LRRIQ1: variants seen among roughly 807,000 people sequenced by gnomAD.
LRRIQ1 encodes the protein leucine-rich repeat- and IQ domain-containing protein 1.
LRRIQ1 carries 210 observed loss-of-function variants against 211.9 expected under a neutral mutation model. The observed-to-expected ratio is 0.99, with a 90% CI of 0.89 to 1.11. LRRIQ1 has a LOEUF of 1.11. Among genes scored for constraint, LRRIQ1 ranks in the 50% most tolerant of loss-of-function variants. LRRIQ1 has a pLI of 0.00. For synonymous variants in LRRIQ1, 699 were observed against 650.1 expected, an observed-to-expected ratio of 1.08 and a Z score of -1.14; for missense variants, 2,136 against 1,939.5, an observed-to-expected ratio of 1.10 and a Z score of -1.90.
At chr12:85,074,168 A>G (rs527940927) in intron 11 of LRRIQ1, among the ~76,000 whole-genome samples, 1 of 152,204 alleles carries the variant, frequency 6.6e-6, no homozygotes, top group South Asian at 2.1e-4. Flanking sequence ...GTGAATGAGA[A>G]TAGTGAATGT....
intron 10 of LRRIQ1, among the ~76,000 whole-genome samples, chr12:85,068,252 T>C (rs2136077345): frequency 6.6e-6 from 1 of 151,982 alleles, no homozygotes; most frequent in Admixed American, 6.6e-5. Flanking sequence ...AGTCCTATAA[T>C]CATTGGAAAG....
intron 11 of LRRIQ1, among the ~76,000 whole-genome samples, chr12:85,093,860 T>A (rs1885632255): frequency 6.6e-6 from 1 of 152,176 alleles, no homozygotes; most frequent in African/African-American, 2.4e-5. Flanking sequence ...TGCTGCATCA[T>A]TGCCTATCTC....
intron 25 of LRRIQ1, among the ~76,000 whole-genome samples, chr12:85,231,593 A>G (rs1894945211): frequency 6.6e-6 from 1 of 152,176 alleles, no homozygotes; most frequent in African/African-American, 2.4e-5. Context: ...TGGCACCAGA[A>G]TCTGCTTGGT....
chr12:85,234,227 ACT>A (rs913959204), intron 26 of LRRIQ1, among the ~76,000 whole-genome samples: 10 of 151,988 alleles, frequency 6.6e-5, no homozygotes, highest in African/African-American at 2.4e-4. Context: ...TCAGAGTGAG[ACT>A]CTCTTTCAAA....
intron 24 of LRRIQ1, among the ~76,000 whole-genome samples, chr12:85,174,350 AAAG>A (rs1025228558): frequency 6.6e-6 from 1 of 151,978 alleles, no homozygotes; most frequent in African/African-American, 2.4e-5. Context: ...ATAACATACA[AAAG>A]AAAATATAAA....
intron 16 of LRRIQ1, 21 bp downstream of exon 16, chr12:85,121,897 T>C (rs756474204): frequency 6.5e-7 from 1 of 1,536,660 alleles, no homozygotes; most frequent in South Asian, 1.2e-5. Context: ...GATCTTCCCA[T>C]TGATGTATTT....
At chr12:85,119,414 A>G (rs567960609) in intron 15 of LRRIQ1, among the ~76,000 whole-genome samples, 1 of 152,272 alleles carries the variant, frequency 6.6e-6, no homozygotes, top group African/African-American at 2.4e-5. Context: ...CACCTACTGA[A>G]TGACATCTTG....
At chr12:85,108,859 A>T (rs921422248) in intron 15 of LRRIQ1, among the ~76,000 whole-genome samples, 1 of 152,266 alleles carries the variant, frequency 6.6e-6, no homozygotes, top group African/African-American at 2.4e-5. Context: ...GCACACATTT[A>T]CTAAAATACA....
At chr12:85,082,436 T>C (rs1318530238) in intron 11 of LRRIQ1, among the ~76,000 whole-genome samples, 2 of 152,134 alleles carry the variant, frequency 1.3e-5, no homozygotes, top group African/African-American at 4.8e-5. Flanking sequence ...TGTGGATTGC[T>C]TTTTTATTGT....
chr12:85,212,110 T>TACAACA (rs1294924121), intron 24 of LRRIQ1, among the ~76,000 whole-genome samples: 1 of 151,772 alleles, frequency 6.6e-6, no homozygotes, highest in Admixed American at 6.6e-5. Context: ...CTACTAAAAC[T>TACAACA]ACAACAACAA....
At position 85,066,731 on chromosome 12, in the gene LRRIQ1, T is replaced by A. The variant is rs1433702566; in HGVS notation, c.2545-17T>A. The A allele has an allele frequency of 6.3e-7, 1 of 1,577,348 alleles. No individual in the cohort carries two copies. The highest frequency in any genetic ancestry group is 1.4e-5 in the African/African-American group (1 of 72,874). On this transcript the variant is annotated splice_polypyrimidine_tract_variant and intron_variant, in intron 9 of 26. Transcript: ENST00000393217. ...AGCCATTGAAATAAAACTAATTACA[T>A]TTGTTCTTTGCTTCAGGAAAACCAT... is the stretch of plus-strand genomic sequence containing the variant.
At chr12:85,136,122 A>G (rs1234370530) in intron 18 of LRRIQ1, among the ~76,000 whole-genome samples, 2 of 151,856 alleles carry the variant, frequency 1.3e-5, no homozygotes, top group African/African-American at 4.8e-5. Flanking sequence ...CATTATCATA[A>G]TTGCTTTCTT....
chr12:85,158,642 A>C (rs566126352), intron 23 of LRRIQ1, among the ~76,000 whole-genome samples: 38 of 151,962 alleles, frequency 2.5e-4, no homozygotes, highest in Non-Finnish European at 4.7e-4. Context: ...ATGGTTACTT[A>C]CCTAGGGGTT....
intron 15 of LRRIQ1, among the ~76,000 whole-genome samples, chr12:85,114,349 T>C (rs1314623542): frequency 2.0e-5 from 3 of 152,144 alleles, no homozygotes; most frequent in African/African-American, 4.8e-5. Flanking sequence ...CCATGAATTG[T>C]TTGTTAGTTG....
At position 85,038,299 on chromosome 12, in the gene LRRIQ1, T is replaced by C. The variant is rs959676214; in HGVS notation, c.123T>C (p.Asp41=). The C allele has an allele frequency of 5.7e-6, 9 of 1,574,290 alleles. No homozygotes were observed. Among genetic ancestry groups the C allele is most frequent in the Admixed American group, 3.6e-5 (2 of 55,856 alleles). The change falls in exon 2 of 27, where the codon GAT becomes GAC. Residue 41 remains aspartate, a synonymous_variant. Transcript: ENST00000393217. ...SDAKSETQSD[D]SDTDSVELPE... ...CAAAATCAGAAACCCAGAGTGATGATAGTGATACAGTGAGTATTGCACTTT... is the reference window on the plus strand; with the variant it reads ...CAAAATCAGAAACCCAGAGTGATGACAGTGATACAGTGAGTATTGCACTTT...
chr12:85,269,126 G>A (rs560003951), downstream of LRRIQ1, among the ~76,000 whole-genome samples: 2 of 152,014 alleles, frequency 1.3e-5, no homozygotes, highest in South Asian at 4.1e-4. Flanking sequence ...ACCAAGGACT[G>A]GATTATTGGA....
At chr12:85,261,467 A>G (rs1896284244) in intron 1 of LRRIQ1, among the ~76,000 whole-genome samples, 1 of 152,120 alleles carries the variant, frequency 6.6e-6, no homozygotes, top group Admixed American at 6.5e-5. Context: ...CAAATGGCCT[A>G]ATGTTTGCTG....
intron 6 of LRRIQ1, among the ~76,000 whole-genome samples, chr12:85,050,082 T>A (rs1286337797): frequency 6.6e-6 from 1 of 152,186 alleles, no homozygotes; most frequent in African/African-American, 2.4e-5. Flanking sequence ...TGACCAGATC[T>A]AATGTGGACT....
intron 15 of LRRIQ1, among the ~76,000 whole-genome samples, chr12:85,111,578 C>T (rs1427264000): frequency 1.3e-5 from 2 of 152,100 alleles, no homozygotes; most frequent in Non-Finnish European, 2.9e-5. Context: ...TTATAGAGTG[C>T]CTCTCACCTG....
Sources: gnomAD v4.1 joint callset for allele counts (sites outside exome capture counted in the v4.1 genomes callset) on GRCh38, gnomAD v4.1.1 for gene constraint, MANE v1.5 for transcripts, NCBI Gene and HGNC (gene_info 2026-07-23, HGNC 2026-07-21) for gene names.